Variants in UBE2R2 observed in about 807,000 individuals in gnomAD.
UBE2R2 encodes ubiquitin conjugating enzyme E2 R2.
In UBE2R2, 1 loss-of-function variant was observed where a neutral mutation model predicts 27.8. That is an observed-to-expected ratio of 0.04 (90% CI 0.01 to 0.17). UBE2R2 has a LOEUF of 0.17. UBE2R2 is among the 10% of genes least tolerant of loss of function. UBE2R2 has a pLI of 1.00. For synonymous variants in UBE2R2, 106 were observed against 113.3 expected, an observed-to-expected ratio of 0.94 and a Z score of 0.41; for missense variants, 100 against 291.0, an observed-to-expected ratio of 0.34 and a Z score of 4.78.
intron 1 of UBE2R2, among the ~76,000 whole-genome samples, chr9:33,867,238 A>T (rs1212969640): frequency 6.6e-6 from 1 of 151,914 alleles, no homozygotes; most frequent in African/African-American, 2.4e-5. Context: ...TCTTTGTCAT[A>T]TATGTTGATG....
chr9:33,912,136 A>T (rs918513047), intron 4 of UBE2R2, 38 bp downstream of exon 4: 1 of 1,542,794 alleles, frequency 6.5e-7, no homozygotes. Context: ...GTTATACAAA[A>T]CCAAAATATA....
chr9:33,898,016 C>G (rs1443467893), intron 2 of UBE2R2, among the ~76,000 whole-genome samples: 1 of 152,014 alleles, frequency 6.6e-6, no homozygotes, highest in Non-Finnish European at 1.5e-5. Context: ...CTCAGGTGAT[C>G]TGCCCGCCTT....
intron 1 of UBE2R2, among the ~76,000 whole-genome samples, chr9:33,871,678 A>G (rs1167957606): frequency 6.6e-6 from 1 of 152,144 alleles, no homozygotes; most frequent in African/African-American, 2.4e-5. Context: ...TTCTGTAACA[A>G]TTGCTTCTAT....
At chr9:33,825,917 C>T (rs909097309) in intron 1 of UBE2R2, among the ~76,000 whole-genome samples, 1 of 152,076 alleles carries the variant, frequency 6.6e-6, no homozygotes, top group African/African-American at 2.4e-5. Flanking sequence ...CGGAGGTGGG[C>T]AGATCACTTG....
intron 1 of UBE2R2, among the ~76,000 whole-genome samples, chr9:33,829,463 C>G (rs1820395121): frequency 6.6e-6 from 1 of 152,082 alleles, no homozygotes; most frequent in Non-Finnish European, 1.5e-5. Context: ...GATGGGTACA[C>G]TGAATGCCTA....
At chr9:33,911,103 AAAAACAAAAC>A (rs952694168) in intron 3 of UBE2R2, among the ~76,000 whole-genome samples, 1 of 151,610 alleles carries the variant, frequency 6.6e-6, no homozygotes, top group Admixed American at 6.6e-5. Flanking sequence ...GACCCTGTCA[AAAAACAAAAC>A]AAAACAAAAA....
At chr9:33,839,919 A>C (rs1363957398) in intron 1 of UBE2R2, among the ~76,000 whole-genome samples, 1 of 152,026 alleles carries the variant, frequency 6.6e-6, no homozygotes, top group African/African-American at 2.4e-5. Context: ...TTGCTTGAGC[A>C]CAGAAGTTTG....
At chr9:33,886,384 C>T (rs1821852749) in intron 1 of UBE2R2, among the ~76,000 whole-genome samples, 2 of 152,012 alleles carry the variant, frequency 1.3e-5, no homozygotes, top group South Asian at 2.1e-4. Flanking sequence ...GGGCAGGGCA[C>T]GGTGGCTCAC....
At chr9:33,904,538 A>G (rs1822310931) in intron 3 of UBE2R2, among the ~76,000 whole-genome samples, 1 of 152,230 alleles carries the variant, frequency 6.6e-6, no homozygotes, top group African/African-American at 2.4e-5. Flanking sequence ...ACATATTTAT[A>G]ACATAAAGTG....
At chr9:33,916,336 G>A (rs114177222) in intron 4 of UBE2R2, among the ~76,000 whole-genome samples, 2,294 of 152,230 alleles carry the variant, frequency 0.015, 48 homozygotes, top group African/African-American at 0.052. Flanking sequence ...GCAAGACTCC[G>A]TCTTGGGTGG....
intron 1 of UBE2R2, among the ~76,000 whole-genome samples, chr9:33,877,307 G>A (rs1821627310): frequency 6.6e-6 from 1 of 150,548 alleles, no homozygotes. Context: ...TCAGCCTCCC[G>A]AGTAGCTGGG....
chr9:33,870,889 C>T (rs1045713383), intron 1 of UBE2R2, among the ~76,000 whole-genome samples: 1 of 152,148 alleles, frequency 6.6e-6, no homozygotes, highest in African/African-American at 2.4e-5. Context: ...ATTTTTCTTT[C>T]TCCTCAATCC....
In UBE2R2 at chr9:33,918,372, T is replaced by C. The variant is rs1467931449; in HGVS notation, c.*1135T>C. 1.3e-5 allele frequency: 2 copies of C among 152,062 alleles called. No individual in the cohort carries two copies. Among genetic ancestry groups the C allele is most frequent in the Admixed American group, 1.3e-4 (2 of 15,234 alleles). The allele number at this position is 152,062 out of a possible 1,614,324, so 9.4% of individuals were successfully genotyped here. On this transcript the variant is annotated 3_prime_UTR_variant, in exon 5 of 5. Coordinates refer to ENST00000263228, the MANE Select transcript of UBE2R2 (RefSeq NM_017811.4). ...GTGTGTGAGACGAGTTACCGCCTTC[T>C]TCATTGGATGTGATCTGAACTTTTT...
intron 2 of UBE2R2, among the ~76,000 whole-genome samples, chr9:33,891,650 A>T (rs888152129): frequency 1.1e-4 from 16 of 152,202 alleles, no homozygotes; most frequent in African/African-American, 2.6e-4. Context: ...CCTGTCTCAA[A>T]AAATAAATAA....
At chr9:33,840,056 C>G (rs1820699226) in intron 1 of UBE2R2, among the ~76,000 whole-genome samples, 1 of 152,040 alleles carries the variant, frequency 6.6e-6, no homozygotes, top group South Asian at 2.1e-4. Context: ...GGTATAGCAG[C>G]TTGAATGAAC....
rs147679870 is a variant in UBE2R2, at chr9:33,876,011, TGAG to T, written c.178-10868_178-10866del. On this transcript the variant is annotated intron_variant, in intron 1 of 4. Coordinates refer to ENST00000263228, the MANE Select transcript of UBE2R2 (RefSeq NM_017811.4). ...GAAGTAGGAGTATTAAATATGTGTA[TGAG>T]GTAATACATAGGTAACTATAGGTCA... is the stretch of plus-strand genomic sequence containing the variant. 2.8e-3 allele frequency among the ~76,000 whole-genome samples: 434 copies of T among 152,308 alleles called. 7 individuals carry two copies. The highest frequency in any genetic ancestry group is 9.8e-3 in the African/African-American group (406 of 41,560).
intron 1 of UBE2R2, among the ~76,000 whole-genome samples, chr9:33,836,646 A>G (rs189798334): frequency 5.9e-4 from 90 of 151,988 alleles, no homozygotes; most frequent in Middle Eastern, 3.4e-3. Flanking sequence ...AGTCCCAGCT[A>G]CTCGGGAGGC....
chr9:33,833,464 G>A (rs918687015), intron 1 of UBE2R2, among the ~76,000 whole-genome samples: 2 of 152,190 alleles, frequency 1.3e-5, no homozygotes, highest in Admixed American at 1.3e-4. Flanking sequence ...AAAGTGCTGG[G>A]ATTACAGACA....
At chr9:33,847,648 C>T (rs566387258) in intron 1 of UBE2R2, among the ~76,000 whole-genome samples, 2 of 152,004 alleles carry the variant, frequency 1.3e-5, no homozygotes, top group South Asian at 2.1e-4. Context: ...CATTAACCTA[C>T]GTATAGTAGA....
Sources: allele counts gnomAD v4.1 joint callset (sites outside exome capture counted in the v4.1 genomes callset), GRCh38; gene constraint gnomAD v4.1.1; transcripts MANE v1.5; gene names NCBI Gene and HGNC (gene_info 2026-07-23, HGNC 2026-07-21).